MIGA1: variants seen among roughly 807,000 people sequenced by gnomAD.
MIGA1 encodes the protein mitoguardin 1, also known as family with sequence similarity 73, member A.
In MIGA1, 58 loss-of-function variants were observed where a neutral mutation model predicts 82.0. The observed-to-expected ratio is 0.71, with a 90% confidence interval of 0.57 to 0.88. The LOEUF is 0.88. Ranked by LOEUF, MIGA1 falls within the 40% of genes least tolerant of loss-of-function variation. The pLI is 0.00. For synonymous variants in MIGA1, 249 were observed against 253.6 expected (o/e 0.98, Z 0.17); for missense variants, 751 against 749.1 (o/e 1.00, Z -0.03).
intron 4 of MIGA1, among the ~76,000 whole-genome samples, chr1:77,804,621 A>G (rs981887520): frequency 7.9e-5 from 12 of 151,760 alleles, no homozygotes; most frequent in Non-Finnish European, 1.2e-4. Flanking sequence ...CAACATTAAC[A>G]ATTTTTTTTT....
intron 8 of MIGA1, among the ~76,000 whole-genome samples, chr1:77,846,918 G>T (rs1684865140): frequency 6.6e-6 from 1 of 152,092 alleles, no homozygotes; most frequent in Non-Finnish European, 1.5e-5. Context: ...CTGCACTCCA[G>T]CCTGGGCAAC....
chr1:77,848,072 C>T (rs1185556721), intron 8 of MIGA1: 7 of 1,292,882 alleles, frequency 5.4e-6, no homozygotes, highest in Middle Eastern at 1.8e-4. Context: ...CGAGAGGACA[C>T]GAGAAAAGGG....
intron 4 of MIGA1, among the ~76,000 whole-genome samples, chr1:77,806,175 C>T (rs544544141): frequency 2.0e-5 from 3 of 152,258 alleles, no homozygotes; most frequent in African/African-American, 7.2e-5. Context: ...ACTTGTTGCT[C>T]CTAGGCTACA....
intron 7 of MIGA1, among the ~76,000 whole-genome samples, chr1:77,817,887 T>C (rs1041492354): frequency 3.3e-5 from 5 of 152,084 alleles, no homozygotes; most frequent in African/African-American, 1.2e-4. Flanking sequence ...TTTTGGAATC[T>C]GCTTTGTCTA....
chr1:77,850,103 C>G (rs1049355562), intron 8 of MIGA1, among the ~76,000 whole-genome samples: 2 of 151,964 alleles, frequency 1.3e-5, no homozygotes, highest in African/African-American at 4.8e-5. Flanking sequence ...ATAACTCACT[C>G]CTATGAATGG....
chr1:77,873,012 T>C lies in MIGA1; in HGVS notation c.1572T>C (p.Asp524=). ...CCTTTACTTCCCAGCAGATCCCAGA[T>C]GGATTTTTTGCCCATTTTTATGCCA... The change falls in exon 15 of 16, where the codon GAT becomes GAC. Residue 524 remains aspartate (D), a synonymous_variant. Transcript: ENST00000370791. 6.2e-7 allele frequency: 1 copy of C among 1,614,020 alleles called. No homozygotes were observed. Among genetic ancestry groups the C allele is most frequent in the Non-Finnish European group, 8.5e-7 (1 of 1,180,020 alleles).
At chr1:77,779,771 G>T in intron 1 of MIGA1, 35 bp downstream of exon 1, 1 of 1,527,796 alleles carries the variant, frequency 6.5e-7, no homozygotes, top group South Asian at 1.2e-5. Context: ...GTGGAGAGGC[G>T]GGCGGGAGGA....
At chr1:77,859,207 C>T in intron 9 of MIGA1, 107 bp from the exon 10 acceptor site, 2 of 1,039,216 alleles carry the variant, frequency 1.9e-6, no homozygotes, top group Non-Finnish European at 3.0e-6. Context: ...ATTGAAAAAA[C>T]ATGTTTTATA....
At chr1:77,848,825 T>G in intron 8 of MIGA1, 1 of 1,141,262 alleles carries the variant, frequency 8.8e-7, no homozygotes, top group Non-Finnish European at 1.2e-6. Flanking sequence ...GAGAAAGATT[T>G]AAGGAAGCAC....
At chr1:77,861,486 G>GCAA in intron 12 of MIGA1, 164 bp downstream of exon 12, 1 of 531,056 alleles carries the variant, frequency 1.9e-6, no homozygotes, top group Non-Finnish European at 3.3e-6. Context: ...CTTGTACGTT[G>GCAA]GGGCAGTAGT....
chr1:77,806,994 G>C lies in MIGA1; in HGVS notation c.530G>C (p.Cys177Ser). 5.0e-6 allele frequency: 8 copies of C among 1,612,052 alleles called. No individual in the cohort carries two copies. Among genetic ancestry groups the C allele is most frequent in the South Asian group, 1.1e-5 (1 of 90,816 alleles). Residue 177 changes from cysteine (C) to serine (S), a missense_variant, in exon 5 of 16, where the codon TGT becomes TCT. This residue lies in a region of MIGA1 where 482 missense variants were observed against 439.4 expected (regional missense o/e 1.10). Coordinates refer to ENST00000370791, the MANE Select transcript of MIGA1 (RefSeq NM_198549.4). The stretch of plus-strand genomic sequence containing the variant: ...TTTTAGGTCCAGAGTGTCAATTCTT[G>C]TCATAGCTGCGCTTGTGGCAATTCT...
chr1:77,863,117 A>C (rs571895516), intron 12 of MIGA1, among the ~76,000 whole-genome samples: 49 of 152,310 alleles, frequency 3.2e-4, no homozygotes, highest in Non-Finnish European at 5.9e-4. Context: ...CCTGAGACTC[A>C]TCCTTCACCT....
chr1:77,857,168 A>G (rs1685291853), intron 8 of MIGA1, among the ~76,000 whole-genome samples: 1 of 152,008 alleles, frequency 6.6e-6, no homozygotes, highest in African/African-American at 2.4e-5. Context: ...TTTGATTTCC[A>G]TGTATTTGCA....
intron 7 of MIGA1, among the ~76,000 whole-genome samples, chr1:77,816,689 T>G (rs1683584599): frequency 6.6e-6 from 1 of 152,220 alleles, no homozygotes; most frequent in African/African-American, 2.4e-5. Context: ...AGCTAGGAGA[T>G]TACAGTCTAG....
intron 2 of MIGA1, among the ~76,000 whole-genome samples, chr1:77,786,235 A>G (rs1200026566): frequency 6.6e-6 from 1 of 152,244 alleles, no homozygotes; most frequent in East Asian, 1.9e-4. Context: ...GGCTGCACAC[A>G]GCACGGGGAC....
rs913482918 is a variant in MIGA1, at chr1:77,801,359, T to C, written c.224T>C (p.Leu75Ser). Residue 75 changes from leucine to serine, a missense_variant, in exon 3 of 16, where the codon TTG becomes TCG. Around this residue, in one of 3 missense-constraint regions of MIGA1, gnomAD observed 482 missense variants for 439.4 expected, o/e 1.10. Transcript: ENST00000370791. ...AAATTTTCTCCGGTGGCTAAAAAGT[T>C]GTTTGTGGTAACTGCAGTGAGTGCT... is the stretch of plus-strand genomic sequence containing the variant. 3 of 1,562,936 alleles carry C rather than the reference T, an allele frequency of 1.9e-6. No homozygotes were observed. The highest frequency in any genetic ancestry group is 2.6e-6 in the Non-Finnish European group (3 of 1,165,096).
chr1:77,779,865 G>C (rs553183860), intron 1 of MIGA1, 129 bp downstream of exon 1: 1 of 1,431,200 alleles, frequency 7.0e-7, no homozygotes, highest in African/African-American at 1.4e-5. Context: ...GTTAGCTCTC[G>C]GAGTGCCAGG....
intron 7 of MIGA1, among the ~76,000 whole-genome samples, chr1:77,827,635 T>C (rs1033268064): frequency 1.3e-5 from 2 of 152,044 alleles, no homozygotes; most frequent in African/African-American, 4.8e-5. Flanking sequence ...AGAGCAAAAG[T>C]GAGGATGGGT....
intron 7 of MIGA1, among the ~76,000 whole-genome samples, chr1:77,838,069 A>G (rs1684495571): frequency 1.3e-5 from 2 of 152,178 alleles, no homozygotes; most frequent in African/African-American, 4.8e-5. Flanking sequence ...GCTCTGATTG[A>G]GCCTTTTCTG....
Sources: gnomAD v4.1 joint callset for allele counts (sites outside exome capture counted in the v4.1 genomes callset) on GRCh38, gnomAD v4.1.1 for gene constraint, gnomAD v4.1.1 regional missense constraint, MANE v1.5 for transcripts, NCBI Gene and HGNC (gene_info 2026-07-23, HGNC 2026-07-21) for gene names.